The following SLC25A3 variants were observed in gnomAD, a reference collection of about 807,000 sequenced individuals.
SLC25A3 encodes the protein solute carrier family 25 member 3.
Under a neutral mutation model 37.1 loss-of-function variants are expected in SLC25A3, and 14 were observed. The observed-to-expected ratio is 0.38, with a 90% CI of 0.25 to 0.59. The LOEUF is 0.59. SLC25A3 is among the 20% of genes least tolerant of loss of function. SLC25A3 has a pLI of 0.67. For missense variants in SLC25A3, 385 were observed against 458.1 expected (o/e 0.84, Z 1.46); for synonymous variants, 161 against 168.7 (o/e 0.95, Z 0.36).
At position 98,601,425 on chromosome 12, in the gene SLC25A3, A is replaced by C; in HGVS notation, c.983A>C (p.Gln328Pro). Residue 328 changes from glutamine to proline, a missense_variant, in exon 8 of 8, where the codon CAG becomes CCG. Around this residue, in one of 2 missense-constraint regions of SLC25A3, gnomAD observed 276 missense variants for 367.6 expected, o/e 0.75. Transcript: ENST00000552981. ...ATGATTGGTACCCTGACTGCACTACAGTGGTTTATCTATGACTCCGTGAAG... is the reference window on the plus strand; with the variant it reads ...ATGATTGGTACCCTGACTGCACTACCGTGGTTTATCTATGACTCCGTGAAG... Reference protein sequence around the residue: ...IIMIGTLTALQWFIYDSVKVY... With the variant: ...IIMIGTLTALPWFIYDSVKVY... 6.2e-7 allele frequency: 1 copy of C among 1,613,904 alleles called. No individual in the cohort carries two copies. The highest frequency in any genetic ancestry group is 8.5e-7 in the Non-Finnish European group (1 of 1,179,870).
rs2097593030 is a variant in SLC25A3 at position 98,596,442 on chromosome 12, G to C, written c.279+594G>C. ...AAGAGAAATGAATTTGAAATATTAG[G>C]AGGGAGAGGAAGGTGATGTATACCA... On this transcript the variant is annotated intron_variant, in intron 3 of 7. Coordinates refer to ENST00000552981, the MANE Select transcript of SLC25A3 (RefSeq NM_002635.4). Among the ~76,000 whole-genome samples, 3 of 152,320 alleles carry C rather than the reference G, an allele frequency of 2.0e-5. No homozygotes were observed. In the South Asian group the frequency reaches 6.2e-4, roughly 32 times the overall value.
chr12:98,599,961 C>T lies in SLC25A3; in HGVS notation c.648C>T (p.Tyr216=), dbSNP rs756464886. The T allele has an allele frequency of 1.5e-5, 25 of 1,613,716 alleles. No homozygotes were observed. In the East Asian group the frequency reaches 5.1e-4, roughly 33 times the overall value. Residue 216 remains tyrosine (Y), a synonymous_variant, in exon 6 of 8, where the codon TAC becomes TAT. Coordinates refer to ENST00000552981, the MANE Select transcript of SLC25A3 (RefSeq NM_002635.4). ...AAGTCTCTTGATTTCCTAGATTCTA[C>T]AAGGGGGTTGCTCCTCTCTGGATGA... The part of the protein sequence containing the change: ...MYKEEGLKAF[Y]KGVAPLWMRQ...
intron 1 of SLC25A3, 26 bp from the exon 2 acceptor site, chr12:98,593,949 C>G: frequency 6.2e-7 from 1 of 1,613,734 alleles, no homozygotes; most frequent in South Asian, 1.1e-5. Flanking sequence ...TGCCTGTCCT[C>G]TAACCGTCGC....
At position 98,602,786 on chromosome 12, in the gene SLC25A3, C is replaced by CT. The variant is rs2097598888; in HGVS notation, c.*1260dup. On this transcript the variant is annotated 3_prime_UTR_variant, in exon 8 of 8. Transcript: ENST00000552981. ...CAAACACTAGATTTTACCTAGAGTC[C>CT]TTATGTGTAATACGTGGGTTGGTTA... The CT allele has an allele frequency of 6.6e-6, 1 of 152,128 alleles. No homozygotes were observed. Among genetic ancestry groups the CT allele is most frequent in the African/African-American group, 2.4e-5 (1 of 41,426 alleles). The allele number at this position is 152,128 out of a possible 1,614,324, so 9.4% of individuals were successfully genotyped here. A position where few individuals can be genotyped will look rare whatever the true frequency, so the allele number is the denominator to read the frequency against.
Position 98,600,053 on chromosome 12 carries a change from T to G in SLC25A3, c.740T>G (p.Phe247Cys). 2 of 1,614,230 alleles carry G rather than the reference T, an allele frequency of 1.2e-6. No individual in the cohort carries two copies. The highest frequency in any genetic ancestry group is 1.7e-6 in the Non-Finnish European group (2 of 1,180,022). The change falls in exon 6 of 8, where the codon TTT becomes TGT. Residue 247 changes from phenylalanine (F) to cysteine (C), a missense_variant. This residue lies in a region of SLC25A3 where 276 missense variants were observed against 367.6 expected (regional missense o/e 0.75). Coordinates refer to ENST00000552981, the MANE Select transcript of SLC25A3 (RefSeq NM_002635.4). ...FERTVEALYKFVVPKPRSECS... is the reference protein window; with the variant it reads ...FERTVEALYKCVVPKPRSECS... ...CGTACTGTTGAAGCACTGTACAAGT[T>G]TGTGGTTCCTAAGCCCCGCAGTGAA...
In SLC25A3 at chr12:98,601,787, T is replaced by G. The variant is rs565109581; in HGVS notation, c.*259T>G. 35 of 430,130 alleles carry G rather than the reference T, an allele frequency of 8.1e-5. No individual in the cohort carries two copies. The highest frequency in any genetic ancestry group is 1.4e-4 in the Non-Finnish European group (34 of 237,586). 26.6% of individuals were successfully genotyped at this position (430,130 alleles called of 1,614,324 possible). The stretch of plus-strand genomic sequence containing the variant: ...AGTTGGAAAGAATGAAGTATATAAG[T>G]TAAGGAAAAAATACAAAACTGACCA... On this transcript the variant is annotated 3_prime_UTR_variant, in exon 8 of 8. Transcript: ENST00000552981.
intron 5 of SLC25A3, chr12:98,599,648 A>G (rs768692316): frequency 3.5e-6 from 2 of 568,954 alleles, no homozygotes; most frequent in Non-Finnish European, 6.8e-6. Flanking sequence ...ATGCTTCCTT[A>G]GATCCACCTT....
intron 6 of SLC25A3, among the ~76,000 whole-genome samples, chr12:98,600,388 C>T (rs1436655270): frequency 6.6e-6 from 1 of 151,798 alleles, no homozygotes; most frequent in African/African-American, 2.4e-5. Context: ...GCATGCACCG[C>T]CATGCCCGGC....
In SLC25A3 at chr12:98,601,219, CTG is replaced by C; in HGVS notation, c.867_868del (p.Leu290GlufsTer2). ...TCTCACCCTGCTGATTCTGTGGTAT[CTG>C]TGTTGAATAAAGAAAAAGGTAGCAG... On this transcript the variant is annotated frameshift_variant, in exon 7 of 8. Transcript: ENST00000552981. LOFTEE classifies it high-confidence loss of function. 3 of 1,613,756 alleles carry C rather than the reference CTG, an allele frequency of 1.9e-6. No homozygotes were observed. Among genetic ancestry groups the C allele is most frequent in the Non-Finnish European group, 1.7e-6 (2 of 1,179,818 alleles).
intron 5 of SLC25A3, among the ~76,000 whole-genome samples, chr12:98,599,074 T>C (rs546590662): frequency 1.3e-5 from 2 of 151,500 alleles, no homozygotes; most frequent in Non-Finnish European, 2.9e-5. Flanking sequence ...TTTTTTTTTT[T>C]CTTTGAGACG....
At chr12:98,595,950 C>T in intron 3 of SLC25A3, 102 bp downstream of exon 3, 3 of 1,043,822 alleles carry the variant, frequency 2.9e-6, no homozygotes, top group Non-Finnish European at 4.5e-6. Flanking sequence ...CTAGAAACTT[C>T]AGTAGGAAAC....
rs1294423769 is a variant in SLC25A3 at position 98,602,945 on chromosome 12, ACTT to A, written c.*1421_*1423del. ...AGCCAGTGCAGCTAGTTGCATGTTAACTTCTTTATATCATCATTGCCTGAACTT... is the reference window on the plus strand; with the variant it reads ...AGCCAGTGCAGCTAGTTGCATGTTAACTTTATATCATCATTGCCTGAACTT... On this transcript the variant is annotated 3_prime_UTR_variant, in exon 8 of 8. Coordinates refer to ENST00000552981, the MANE Select transcript of SLC25A3 (RefSeq NM_002635.4). 2.6e-5 allele frequency: 4 copies of A among 152,344 alleles called. 1 individual carries two copies. The highest frequency in any genetic ancestry group is 2.0e-4 in the Admixed American group (3 of 15,296). The allele number at this position is 152,344 out of a possible 1,614,324, so 9.4% of individuals were successfully genotyped here. A position where few individuals can be genotyped will look rare whatever the true frequency, so the allele number is the denominator to read the frequency against.
chr12:98,598,383 T>G, intron 4 of SLC25A3, 139 bp from the exon 5 acceptor site: 6 of 1,316,756 alleles, frequency 4.6e-6, no homozygotes, highest in Non-Finnish European at 6.4e-6. Context: ...AATGAGGTTA[T>G]GAGACCACAT....
At chr12:98,594,480 C>A (rs2097591292) in intron 2 of SLC25A3, 3 of 640,152 alleles carry the variant, frequency 4.7e-6, no homozygotes, top group Non-Finnish European at 8.5e-6. Context: ...TACTGACCAC[C>A]CACAGTTCTA....
At chr12:98,598,729 C>T (rs375281153) in intron 5 of SLC25A3, 26 bp downstream of exon 5, 22 of 1,577,916 alleles carry the variant, frequency 1.4e-5, no homozygotes, top group Middle Eastern at 1.7e-4. Flanking sequence ...AAAATTTATA[C>T]TATGAAAGTA....
At chr12:98,599,065 T>G (rs1231995913) in intron 5 of SLC25A3, among the ~76,000 whole-genome samples, 2 of 149,362 alleles carry the variant, frequency 1.3e-5, no homozygotes, top group African/African-American at 5.0e-5. Flanking sequence ...CCGGCTTCTT[T>G]TTTTTTTTTC....
At position 98,605,177 on chromosome 12, in the gene SLC25A3, T is replaced by G. The variant is rs1034560947; in HGVS notation, c.*3649T>G. The G allele has an allele frequency of 2.6e-5, 4 of 152,204 alleles. No individual in the cohort carries two copies. Among genetic ancestry groups the G allele is most frequent in the African/African-American group, 9.7e-5 (4 of 41,434 alleles). 9.4% of individuals were successfully genotyped at this position (152,204 alleles called of 1,614,324 possible). On this transcript the variant is annotated 3_prime_UTR_variant, in exon 8 of 8. Coordinates refer to ENST00000552981, the MANE Select transcript of SLC25A3 (RefSeq NM_002635.4). ...GCTCATGCCTGTAATTCTAACACTT[T>G]AGGAGACCAAGGCAGGAGGATGCCT...
chr12:98,596,933 C>T (rs561179575), intron 3 of SLC25A3, among the ~76,000 whole-genome samples: 11 of 152,136 alleles, frequency 7.2e-5, no homozygotes, highest in African/African-American at 1.9e-4. Context: ...GCAGGAGAAT[C>T]GCTTGAACCT....
chr12:98,596,015 A>G (rs914822109), intron 3 of SLC25A3, among the ~76,000 whole-genome samples, 167 bp downstream of exon 3: 5 of 152,246 alleles, frequency 3.3e-5, no homozygotes, highest in African/African-American at 9.6e-5. Flanking sequence ...TTTAAATCCA[A>G]TAAATGCCTC....
Sources: gnomAD v4.1 joint callset for allele counts (sites outside exome capture counted in the v4.1 genomes callset) on GRCh38, gnomAD v4.1.1 for gene constraint, gnomAD v4.1.1 regional missense constraint, MANE v1.5 for transcripts, NCBI Gene and HGNC (gene_info 2026-07-23, HGNC 2026-07-21) for gene names.